Variants in TRIM36 observed in about 807,000 individuals in gnomAD.
TRIM36 encodes tripartite motif containing 36.
A neutral mutation model predicts 72.4 loss-of-function variants in TRIM36; 42 were observed. The observed-to-expected ratio is 0.58, with a 90% confidence interval of 0.45 to 0.75. The LOEUF (loss-of-function observed/expected upper bound fraction) is 0.75. TRIM36 is among the 30% of genes least tolerant of loss of function. The probability of loss-of-function intolerance (pLI) is 0.00; values close to 1 mark genes in which losing one functional copy is unlikely to be tolerated. For missense variants in TRIM36, 913 were observed against 857.1 expected (o/e 1.07, Z -0.81); for synonymous variants, 315 against 282.8 (o/e 1.11, Z -1.14).
At chr5:115,160,124 T>C (rs1754400875) in intron 2 of TRIM36, among the ~76,000 whole-genome samples, 1 of 152,066 alleles carries the variant, frequency 6.6e-6, no homozygotes, top group African/African-American at 2.4e-5. Flanking sequence ...AAGTATACAG[T>C]AATATGGCTT....
Position 115,126,377 on chromosome 5 carries a change from G to C in TRIM36, c.*126C>G, listed in dbSNP as rs529152577. On this transcript the variant is annotated 3_prime_UTR_variant, in exon 10 of 10. Transcript: ENST00000513154. ...GCTGTTTAGATTTTCTGTATTTCAA[G>C]AAGAATCATACTCAAACACAAGTGG... 1.4e-6 allele frequency: 1 copy of C among 717,754 alleles called. No homozygotes were observed. Among genetic ancestry groups the C allele is most frequent in the South Asian group, 2.2e-5 (1 of 45,520 alleles). 44.5% of individuals were successfully genotyped at this position (717,754 alleles called of 1,614,324 possible).
In TRIM36 at chr5:115,133,993, TTCTA is replaced by T. The variant is rs763698818; in HGVS notation, c.1361_1364del (p.Ile454LysfsTer8). On this transcript the variant is annotated frameshift_variant, in exon 8 of 10. Coordinates refer to ENST00000513154, the MANE Select transcript of TRIM36 (RefSeq NM_001300759.2). LOFTEE classifies it high-confidence loss of function. Reference sequence around the variant, plus strand: ...GAATTATTTTACTTGTTCCACACACTTCTATCTCATTCCATGACATTTCATCATC... The same window carrying T: ...GAATTATTTTACTTGTTCCACACACTTCTCATTCCATGACATTTCATCATC... 7 of 1,613,886 alleles carry T rather than the reference TTCTA, an allele frequency of 4.3e-6. No individual in the cohort carries two copies.
Position 115,126,499 on chromosome 5 carries a change from T to C in TRIM36, c.*4A>G, listed in dbSNP as rs1290647542. The C allele has an allele frequency of 5.0e-6, 8 of 1,599,884 alleles. No homozygotes were observed. Among genetic ancestry groups the C allele is most frequent in the Non-Finnish European group, 6.8e-6 (8 of 1,169,094 alleles). Reference sequence around the variant, plus strand: ...TTTATCCTGAGTCACATCAGATGTTTCAACTACATGTCCTCTTGGTATTCC... The same window carrying C: ...TTTATCCTGAGTCACATCAGATGTTCCAACTACATGTCCTCTTGGTATTCC... On this transcript the variant is annotated 3_prime_UTR_variant, in exon 10 of 10. Coordinates refer to ENST00000513154, the MANE Select transcript of TRIM36 (RefSeq NM_001300759.2).
chr5:115,171,526 C>G (rs1755117689), upstream of TRIM36, among the ~76,000 whole-genome samples: 2 of 152,140 alleles, frequency 1.3e-5, no homozygotes, highest in African/African-American at 4.8e-5. Context: ...CATTATAAGT[C>G]TTTCTCATAC....
intron 1 of TRIM36, among the ~76,000 whole-genome samples, chr5:115,165,630 T>A (rs982102575): frequency 6.6e-6 from 1 of 152,218 alleles, no homozygotes; most frequent in Middle Eastern, 3.4e-3. Context: ...CTGGCTGCAG[T>A]TGGGAAGGCA....
Position 115,130,993 on chromosome 5 carries a change from C to T in TRIM36, c.1499-104G>A, listed in dbSNP as rs568313910. 10 of 1,327,906 alleles carry T rather than the reference C, an allele frequency of 7.5e-6. No individual in the cohort carries two copies. The African/African-American group carries it at 8.8e-5, about 12-fold the overall frequency. The allele number at this position is 1,327,906 out of a possible 1,614,324, so 82.3% of individuals were successfully genotyped here. On this transcript the variant is annotated intron_variant, in intron 8 of 9. Coordinates refer to ENST00000513154, the MANE Select transcript of TRIM36 (RefSeq NM_001300759.2). ...GAAATTACTGAAGAGAGACAGGAAG[C>T]GGGAAGGAGGTGTCACACTACCCCG...
At chr5:115,169,918 C>G, upstream of TRIM36, 3 of 1,278,036 alleles carry the variant, frequency 2.3e-6, no homozygotes, top group Non-Finnish European at 3.0e-6. Flanking sequence ...CGGCTGGGAA[C>G]GGCGCCGCGC....
intron 9 of TRIM36, among the ~76,000 whole-genome samples, chr5:115,129,880 C>A (rs1362860400): frequency 6.6e-6 from 1 of 152,074 alleles, no homozygotes; most frequent in Non-Finnish European, 1.5e-5. Flanking sequence ...CTAGGTTTCT[C>A]CACTTCTAGT....
exon 1 of TRIM36, chr5:115,180,119 T>TCAGG: frequency 6.9e-7 from 1 of 1,446,914 alleles, no homozygotes; most frequent in Non-Finnish European, 9.6e-7. Context: ...CTGTTTTTAG[T>TCAGG]CTGAGTTTTG....
intron 2 of TRIM36, among the ~76,000 whole-genome samples, chr5:115,155,083 G>A (rs1325911624): frequency 2.6e-5 from 4 of 152,176 alleles, no homozygotes; most frequent in African/African-American, 7.2e-5. Flanking sequence ...CAGCTACTCG[G>A]GAGGCTGAGG....
intron 1 of TRIM36, among the ~76,000 whole-genome samples, chr5:115,176,510 A>G (rs913006717): frequency 8.3e-5 from 10 of 119,784 alleles, no homozygotes; most frequent in African/African-American, 4.6e-4. Context: ...TGCTGAAACC[A>G]TTATGCTCTT....
chr5:115,130,977 G>T, intron 8 of TRIM36, 88 bp from the exon 9 acceptor site: 1 of 1,426,894 alleles, frequency 7.0e-7, no homozygotes, highest in South Asian at 1.4e-5. Flanking sequence ...AGAAATTACT[G>T]AAGAGAGACA....
In TRIM36 at chr5:115,163,722, T is replaced by C. The variant is rs745955741; in HGVS notation, c.58A>G (p.Ile20Val). Reference protein sequence around the residue: ...VTIKNIERELICPACKELFTH... With the variant: ...VTIKNIERELVCPACKELFTH... ...AACAGCTCCTTGCATGCTGGGCAAATGAGCTCCCTTTCGATATTCTTAATG... is the reference window on the plus strand; with the variant it reads ...AACAGCTCCTTGCATGCTGGGCAAACGAGCTCCCTTTCGATATTCTTAATG... Residue 20 changes from isoleucine to valine, a missense_variant, in exon 2 of 10, where the codon ATT becomes GTT. By Grantham distance (29) the Ile-to-Val change is conservative. Coordinates refer to ENST00000513154, the MANE Select transcript of TRIM36 (RefSeq NM_001300759.2). 23 of 1,614,174 alleles carry C rather than the reference T, an allele frequency of 1.4e-5. No individual in the cohort carries two copies. Among genetic ancestry groups the C allele is most frequent in the Non-Finnish European group, 1.9e-5 (22 of 1,180,038 alleles).
Position 115,125,638 on chromosome 5 carries a change from A to G in TRIM36, c.*865T>C, listed in dbSNP as rs1006312547. 10 of 152,152 alleles carry G rather than the reference A, an allele frequency of 6.6e-5. No individual in the cohort carries two copies. Among genetic ancestry groups the G allele is most frequent in the Non-Finnish European group, 1.2e-4 (8 of 67,954 alleles). 9.4% of individuals were successfully genotyped at this position (152,152 alleles called of 1,614,324 possible). The stretch of plus-strand genomic sequence containing the variant: ...ACAGTAAGGGGGTAAAAGAATAAAT[A>G]TGACTTTTAATATCAGTCCATCTTT... On this transcript the variant is annotated 3_prime_UTR_variant, in exon 10 of 10. Coordinates refer to ENST00000513154, the MANE Select transcript of TRIM36 (RefSeq NM_001300759.2).
upstream of TRIM36, chr5:115,171,193 G>C (rs1005891091): frequency 1.6e-5 from 26 of 1,614,202 alleles, no homozygotes; most frequent in Non-Finnish European, 2.1e-5. Flanking sequence ...AGCCCTGTCT[G>C]CAGCGGTAGC....
Position 115,128,758 on chromosome 5 carries a change from C to CAAAAAAAAAAAAAAAAA in TRIM36, c.1796+1817_1796+1833dup, listed in dbSNP as rs58384978. ...TGGGCGACAGAGCGAGACTCCGTCT[C>CAAAAAAAAAAAAAAAAA]AAAAAAAAAAAAAAAAAAAAAAAAA... On this transcript the variant is annotated intron_variant, in intron 9 of 9. Transcript: ENST00000513154. Among the ~76,000 whole-genome samples, 203 of 46,996 alleles carry CAAAAAAAAAAAAAAAAA rather than the reference C, an allele frequency of 4.3e-3. 1 individual carries two copies. The highest frequency in any genetic ancestry group is 6.7e-3 in the Non-Finnish European group (161 of 24,118). 30.8% of individuals were successfully genotyped at this position (46,996 alleles called of 152,430 possible).
At chr5:115,135,649 T>C (rs1752925464) in intron 7 of TRIM36, among the ~76,000 whole-genome samples, 1 of 152,140 alleles carries the variant, frequency 6.6e-6, no homozygotes, top group African/African-American at 2.4e-5. Flanking sequence ...CATTTTGGGA[T>C]CCACAGGGAG....
At chr5:115,133,782 G>A (rs1464250574) in intron 8 of TRIM36, 78 bp downstream of exon 8, 2 of 1,418,062 alleles carry the variant, frequency 1.4e-6, no homozygotes, top group African/African-American at 2.9e-5. Flanking sequence ...GGTCTACATG[G>A]AGATACTGAC....
chr5:115,147,431 T>C (rs757777278), intron 2 of TRIM36, 37 bp from the exon 3 acceptor site: 22 of 1,576,236 alleles, frequency 1.4e-5, no homozygotes, highest in African/African-American at 2.7e-5. Context: ...GTTATAGCAG[T>C]AGGAAAATGA....
Sources: allele counts gnomAD v4.1 joint callset (sites outside exome capture counted in the v4.1 genomes callset), GRCh38; gene constraint gnomAD v4.1.1; transcripts MANE v1.5; gene names NCBI Gene and HGNC (gene_info 2026-07-23, HGNC 2026-07-21).